INPP5B: variants seen among roughly 807,000 people sequenced by gnomAD.
INPP5B encodes the protein inositol polyphosphate-5-phosphatase B.
In INPP5B, 90 loss-of-function variants were observed where a neutral mutation model predicts 118.5. That is an observed-to-expected ratio of 0.76 (90% confidence interval 0.64 to 0.90). INPP5B has a LOEUF of 0.90. Among genes scored for constraint, INPP5B ranks in the 40% least tolerant of loss-of-function variants. INPP5B has a pLI of 0.00. For missense variants in INPP5B, 984 were observed against 1,125.6 expected, an observed-to-expected ratio of 0.87 and a Z score of 1.80; for synonymous variants, 385 against 418.9, an observed-to-expected ratio of 0.92 and a Z score of 0.99.
intron 7 of INPP5B, among the ~76,000 whole-genome samples, chr1:37,910,882 T>C (rs1419649756): frequency 6.6e-6 from 1 of 152,140 alleles, no homozygotes; most frequent in African/African-American, 2.4e-5. Flanking sequence ...CAACCCATTA[T>C]TCTGTTCTAG....
At chr1:37,882,600 A>C (rs931900775) in intron 14 of INPP5B, among the ~76,000 whole-genome samples, 2 of 152,170 alleles carry the variant, frequency 1.3e-5, no homozygotes, top group Non-Finnish European at 2.9e-5. Context: ...CCCACAGGAG[A>C]CAAGGTGCTT....
At position 37,888,290 on chromosome 1, in the gene INPP5B, C is replaced by T. The variant is rs779722626; in HGVS notation, c.852G>A (p.Arg284=). The change falls in exon 10 of 24, where the codon CGG becomes CGA. Residue 284 remains arginine, a synonymous_variant. Coordinates refer to ENST00000373024, the MANE Select transcript of INPP5B (RefSeq NM_005540.3). The stretch of plus-strand genomic sequence containing the variant: ...CCTGGATACCATTGCTCAGCCACAG[C>T]CGGAGGCATTCTTTGGGGGACTGCC... ...VNGQSPKECL[R]LWLSNGIQAP... 7 of 1,579,642 alleles carry T rather than the reference C, an allele frequency of 4.4e-6. No homozygotes were observed. In the East Asian group the frequency reaches 1.4e-4, roughly 32 times the overall value.
At chr1:37,865,418 G>A (rs1300153621) in intron 22 of INPP5B, among the ~76,000 whole-genome samples, 1 of 152,182 alleles carries the variant, frequency 6.6e-6, no homozygotes, top group Non-Finnish European at 1.5e-5. Context: ...ATGGCAGCAT[G>A]CAAAACAAAT....
chr1:37,874,240 T>C lies in INPP5B; in HGVS notation c.1789-85A>G, dbSNP rs542467071. 53 of 1,014,440 alleles carry C rather than the reference T, an allele frequency of 5.2e-5. No individual in the cohort carries two copies. In the Middle Eastern group the frequency reaches 1.8e-3, roughly 35 times the overall value. The allele number at this position is 1,014,440 out of a possible 1,614,324, so 62.8% of individuals were successfully genotyped here. On this transcript the variant is annotated intron_variant, in intron 17 of 23. Coordinates refer to ENST00000373024, the MANE Select transcript of INPP5B (RefSeq NM_005540.3). ...CACCCCAACTGGGCAGTCCTTACCATGGAAAGAAAATGAACCATCTCTTTT... is the reference window on the plus strand; with the variant it reads ...CACCCCAACTGGGCAGTCCTTACCACGGAAAGAAAATGAACCATCTCTTTT...
At chr1:37,899,858 A>C (rs1192710125) in intron 7 of INPP5B, among the ~76,000 whole-genome samples, 2 of 150,920 alleles carry the variant, frequency 1.3e-5, no homozygotes, top group African/African-American at 2.4e-5. Flanking sequence ...GGACTACAGG[A>C]GTCCGCCACC....
At chr1:37,881,287 G>T (rs1470590773) in intron 14 of INPP5B, among the ~76,000 whole-genome samples, 1 of 152,182 alleles carries the variant, frequency 6.6e-6, no homozygotes, top group East Asian at 1.9e-4. Flanking sequence ...CTACCTCATA[G>T]GGTCTTTAGA....
At chr1:37,871,016 G>T (rs896091973) in intron 19 of INPP5B, among the ~76,000 whole-genome samples, 2 of 150,636 alleles carry the variant, frequency 1.3e-5, no homozygotes, top group African/African-American at 4.9e-5. Context: ...AATTAGCTGG[G>T]CATGGTGGCA....
At chr1:37,870,018 C>A (rs1167586376) in intron 19 of INPP5B, 10 of 151,674 alleles carry the variant, frequency 6.6e-5, no homozygotes, top group Non-Finnish European at 1.2e-4. Context: ...TGATAACCTA[C>A]CGATGATGAT....
In INPP5B at chr1:37,885,701, C is replaced by G. The variant is rs745911581; in HGVS notation, c.1256G>C (p.Cys419Ser). 2 of 1,614,166 alleles carry G rather than the reference C, an allele frequency of 1.2e-6. No individual in the cohort carries two copies. Among genetic ancestry groups the G allele is most frequent in the South Asian group, 2.2e-5 (2 of 91,086 alleles). ...ERRNQDYKDI[C>S]SRMQFCQPDP... ...AGGCTGACAAAACTGCATTCGAGAA[C>G]AAATGTCCTTATAGTCCTGGTTCCT... Residue 419 changes from cysteine (C) to serine (S), a missense_variant, in exon 13 of 24, where the codon TGT (cysteine) becomes TCT (serine). Transcript: ENST00000373024.
intron 6 of INPP5B, 123 bp from the exon 7 acceptor site, chr1:37,932,176 T>G: frequency 2.9e-6 from 3 of 1,029,492 alleles, no homozygotes; most frequent in Non-Finnish European, 2.7e-6. Context: ...CTGTGCGCAC[T>G]GAGGTTCAAA....
intron 15 of INPP5B, 66 bp downstream of exon 15, chr1:37,880,019 G>C: frequency 9.8e-7 from 1 of 1,019,466 alleles, no homozygotes; most frequent in South Asian, 1.4e-5. Context: ...GGTCCAAAAG[G>C]GCAAGTACTT....
At chr1:37,931,753 T>G in intron 7 of INPP5B, 160 bp downstream of exon 7, 1 of 1,600,638 alleles carries the variant, frequency 6.2e-7, no homozygotes, top group Non-Finnish European at 8.5e-7. Context: ...CCGCCGCCCG[T>G]CCCGCGCGCT....
In INPP5B at chr1:37,940,710, G is replaced by C. The variant is rs376311253; in HGVS notation, c.369C>G (p.His123Gln). ...TACCTGGACAGGCCCTGGCAACTTC[G>C]TGGAGGAACATCCTGGTTTGTGAAC... Reference protein sequence around the residue: ...PFGSQTRMFLHEVARACPGFD... With the variant: ...PFGSQTRMFLQEVARACPGFD... Residue 123 changes from histidine (H) to glutamine (Q), a missense_variant, in exon 6 of 24, where the codon CAC becomes CAG. His to Gln is a conservative substitution (Grantham distance 24). Transcript: ENST00000373024. The C allele has an allele frequency of 1.2e-6, 2 of 1,613,698 alleles. No homozygotes were observed. The highest frequency in any genetic ancestry group is 1.7e-5 in the Admixed American group (1 of 59,996).
intron 6 of INPP5B, among the ~76,000 whole-genome samples, chr1:37,932,438 C>G (rs1199349761): frequency 6.8e-6 from 1 of 148,118 alleles, no homozygotes; most frequent in Non-Finnish European, 1.5e-5. Flanking sequence ...GAGCGATCTC[C>G]GCTCACTGCA....
chr1:37,888,193 C>T, intron 10 of INPP5B, 50 bp downstream of exon 10: 1 of 1,204,564 alleles, frequency 8.3e-7, no homozygotes, highest in Non-Finnish European at 1.1e-6. Context: ...CCTTCAACCA[C>T]AGCTCTGTGT....
chr1:37,938,854 C>T lies in INPP5B; in HGVS notation c.391+1834G>A, dbSNP rs553184435. On this transcript the variant is annotated intron_variant, in intron 6 of 23. Coordinates refer to ENST00000373024, the MANE Select transcript of INPP5B (RefSeq NM_005540.3). ...GGTGGATCACCTTAGGCCGGGAGTT[C>T]GAGACCACCCTGACCAACGTGGTGA... Among the ~76,000 whole-genome samples the T allele has an allele frequency of 2.6e-4, 40 of 152,154 alleles. 2 individuals carry two copies. The South Asian group carries it at 7.0e-3, about 27-fold the overall frequency.
intron 7 of INPP5B, among the ~76,000 whole-genome samples, chr1:37,903,996 G>T (rs1644419742): frequency 6.6e-6 from 1 of 152,130 alleles, no homozygotes; most frequent in South Asian, 2.1e-4. Flanking sequence ...TACATGCAAG[G>T]TGTGTAAAGA....
intron 21 of INPP5B, 50 bp from the exon 22 acceptor site, chr1:37,865,938 GA>G: frequency 3.1e-6 from 5 of 1,602,654 alleles, no homozygotes; most frequent in Non-Finnish European, 4.3e-6. Context: ...CCATGGTTAG[GA>G]AAAGGCCCAG....
In INPP5B at chr1:37,889,588, C is replaced by A; in HGVS notation, c.766G>T (p.Glu256Ter). 1 of 1,613,904 alleles carries A rather than the reference C, an allele frequency of 6.2e-7. No individual in the cohort carries two copies. Among genetic ancestry groups the A allele is most frequent in the Non-Finnish European group, 8.5e-7 (1 of 1,179,900 alleles). ...TIVKSHLLQK[E>*]EDYTYIQNFR... ...TTCTGGATATAGGTGTAATCCTCTT[C>A]TTTCTGTAGTAGATGTGATTTCACA... The change falls in exon 9 of 24, where the codon GAA (glutamate) becomes TAA (stop). Residue 256 changes from glutamate to a stop codon, truncating the protein, a stop_gained. Coordinates refer to ENST00000373024, the MANE Select transcript of INPP5B (RefSeq NM_005540.3). LOFTEE classifies it high-confidence loss of function.
Sources: gnomAD v4.1 joint callset for allele counts (sites outside exome capture counted in the v4.1 genomes callset) on GRCh38, gnomAD v4.1.1 for gene constraint, MANE v1.5 for transcripts, NCBI Gene and HGNC (gene_info 2026-07-23, HGNC 2026-07-21) for gene names.